PHF20: variants seen among roughly 807,000 people sequenced by gnomAD.
PHF20 encodes glioma-expressed antigen 2.
A neutral mutation model predicts 113.5 loss-of-function variants in PHF20; 23 were observed. That is an observed-to-expected ratio of 0.20 (90% CI 0.15 to 0.29). The LOEUF (loss-of-function observed/expected upper bound fraction) is 0.29, where lower values mean the gene tolerates loss of function less well. Ranked by LOEUF, PHF20 falls within the 10% of genes least tolerant of loss-of-function variation. PHF20 has a pLI of 1.00. For missense variants in PHF20, 943 were observed against 1,219.6 expected, an observed-to-expected ratio of 0.77 and a Z score of 3.38; for synonymous variants, 434 against 457.3, an observed-to-expected ratio of 0.95 and a Z score of 0.65.
intron 10 of PHF20, among the ~76,000 whole-genome samples, chr20:35,906,708 G>T (rs2055206616): frequency 6.6e-6 from 1 of 152,160 alleles, no homozygotes; most frequent in African/African-American, 2.4e-5. Flanking sequence ...ACCCAGAAGT[G>T]CCACACATCA....
At chr20:35,927,427 A>G (rs907080340) in intron 13 of PHF20, among the ~76,000 whole-genome samples, 45 of 152,178 alleles carry the variant, frequency 3.0e-4, no homozygotes, top group African/African-American at 9.9e-4. Context: ...CATTTTGCAG[A>G]TGGGGAAAAT....
At chr20:35,826,884 C>G (rs752308811) in intron 2 of PHF20, among the ~76,000 whole-genome samples, 22 of 152,132 alleles carry the variant, frequency 1.4e-4, no homozygotes, top group Admixed American at 6.6e-5. Flanking sequence ...AATTTAAGAC[C>G]TTTCTTATAT....
rs1360839715 is a variant in PHF20 at position 35,803,795 on chromosome 20, CTG to C, written c.83+2194_83+2195del. 3.4e-5 allele frequency among the ~76,000 whole-genome samples: 5 copies of C among 147,842 alleles called. No homozygotes were observed. In the East Asian group the frequency reaches 7.9e-4, roughly 23 times the overall value. ...TAGTATCATACAACTTGTTTTTTTT[CTG>C]TGTCTTTGTTTTTTATATTCAATAT... On this transcript the variant is annotated intron_variant, in intron 2 of 17. Transcript: ENST00000374012.
chr20:35,840,677 A>G (rs975936623), intron 2 of PHF20, among the ~76,000 whole-genome samples: 2 of 152,162 alleles, frequency 1.3e-5, no homozygotes, highest in African/African-American at 2.4e-5. Flanking sequence ...CAGCAGCAAC[A>G]TCTGGGAGCT....
intron 17 of PHF20, 100 bp downstream of exon 17, chr20:35,941,147 T>C: frequency 2.3e-6 from 2 of 870,794 alleles, no homozygotes; most frequent in Non-Finnish European, 1.8e-6. Flanking sequence ...CAGGGACCGC[T>C]GTACTCTTTG....
At chr20:35,873,629 C>T (rs1448673523) in intron 9 of PHF20, among the ~76,000 whole-genome samples, 4 of 151,828 alleles carry the variant, frequency 2.6e-5, no homozygotes, top group Non-Finnish European at 2.9e-5. Context: ...CCACCACAAT[C>T]GGCTAATTTT....
intron 2 of PHF20, among the ~76,000 whole-genome samples, chr20:35,803,702 G>GTA (rs1416471322): frequency 4.7e-5 from 7 of 148,628 alleles, no homozygotes; most frequent in African/African-American, 1.8e-4. Context: ...GTGTGTGTGT[G>GTA]TGTATATATA....
In PHF20 at chr20:35,846,474, A is replaced by G. The variant is rs569111631; in HGVS notation, c.256-876A>G. Among the ~76,000 whole-genome samples, 31 of 152,232 alleles carry G rather than the reference A, an allele frequency of 2.0e-4. No individual in the cohort carries two copies. In the South Asian group the frequency reaches 6.4e-3, roughly 32 times the overall value. On this transcript the variant is annotated intron_variant, in intron 3 of 17. Coordinates refer to ENST00000374012, the MANE Select transcript of PHF20 (RefSeq NM_016436.5). ...CCACTGCACCTGGCCCATTGTACAA[A>G]ATTTATCAGTGCAAACTGTGTGCTG...
intron 13 of PHF20, among the ~76,000 whole-genome samples, chr20:35,922,606 C>T (rs180797794): frequency 5.5e-4 from 83 of 152,288 alleles, no homozygotes; most frequent in African/African-American, 1.9e-3. Context: ...TAAAATCCTA[C>T]TTAATAAATA....
intron 2 of PHF20, among the ~76,000 whole-genome samples, chr20:35,802,439 C>T (rs1196661120): frequency 2.0e-5 from 3 of 151,792 alleles, no homozygotes; most frequent in Admixed American, 6.6e-5. Flanking sequence ...AAGCAGTTCT[C>T]GTGCCTCAGC....
At chr20:35,915,763 T>C (rs532252663) in intron 12 of PHF20, among the ~76,000 whole-genome samples, 1 of 152,316 alleles carries the variant, frequency 6.6e-6, no homozygotes, top group East Asian at 1.9e-4. Flanking sequence ...GACATATGTG[T>C]TCATTAGATC....
intron 9 of PHF20, among the ~76,000 whole-genome samples, chr20:35,873,443 G>A (rs894213287): frequency 2.0e-5 from 3 of 147,654 alleles, no homozygotes; most frequent in African/African-American, 7.5e-5. Context: ...GCTAACATTT[G>A]GCTGTGTTTT....
chr20:35,789,696 A>T (rs1303897117), intron 1 of PHF20, among the ~76,000 whole-genome samples: 1 of 143,412 alleles, frequency 7.0e-6, no homozygotes, highest in Non-Finnish European at 1.5e-5. Context: ...ACAGGCGTGC[A>T]CCACCATGCC....
intron 9 of PHF20, among the ~76,000 whole-genome samples, chr20:35,886,139 CTTTT>C (rs199904992): frequency 2.2e-5 from 3 of 137,466 alleles, no homozygotes; most frequent in Admixed American, 7.3e-5. Context: ...TCAGTAAATA[CTTTT>C]TTTTTTTTTT....
intron 2 of PHF20, among the ~76,000 whole-genome samples, chr20:35,813,179 C>T (rs908687429): frequency 1.9e-4 from 29 of 152,020 alleles, no homozygotes; most frequent in Admixed American, 2.6e-4. Flanking sequence ...ACCCTGTTAG[C>T]CAGGATGGTC....
chr20:35,829,748 A>G (rs561269042), intron 2 of PHF20, among the ~76,000 whole-genome samples: 1 of 151,928 alleles, frequency 6.6e-6, no homozygotes, highest in East Asian at 2.0e-4. Flanking sequence ...TAATCCCAGC[A>G]CTTTGGGAGG....
At chr20:35,806,746 G>A (rs1314318378) in intron 2 of PHF20, among the ~76,000 whole-genome samples, 1 of 149,832 alleles carries the variant, frequency 6.7e-6, no homozygotes, top group Non-Finnish European at 1.5e-5. Context: ...TTGATATCTG[G>A]TAAGACAGGT....
chr20:35,899,279 C>T (rs2055048837), intron 9 of PHF20, 91 bp from the exon 10 acceptor site: 2 of 1,072,100 alleles, frequency 1.9e-6, no homozygotes, highest in African/African-American at 3.2e-5. Context: ...GCACGCTAGT[C>T]TTTCACCCTC....
chr20:35,779,209 A>G (rs937839993), intron 1 of PHF20, among the ~76,000 whole-genome samples: 2 of 151,634 alleles, frequency 1.3e-5, no homozygotes, highest in Admixed American at 1.3e-4. Context: ...CTAATCTTTT[A>G]TATTTTTGGT....
Sources: allele counts gnomAD v4.1 joint callset (sites outside exome capture counted in the v4.1 genomes callset), GRCh38; gene constraint gnomAD v4.1.1; transcripts MANE v1.5; gene names NCBI Gene and HGNC (gene_info 2026-07-23, HGNC 2026-07-21).